VWA3B: variants seen among roughly 807,000 people sequenced by gnomAD.
The protein encoded by VWA3B is von Willebrand factor A domain containing 3B, also known as von Willebrand factor A domain-containing protein 3B.
VWA3B carries 138 observed loss-of-function variants against 158.3 expected under a neutral mutation model. The ratio of observed to expected loss-of-function variants is 0.87; its 90% CI spans 0.76 to 1.00. VWA3B has a LOEUF of 1.00. Ranked by LOEUF, VWA3B falls within the 50% of genes least tolerant of loss-of-function variation. VWA3B has a pLI of 0.00. For synonymous variants in VWA3B, 596 were observed against 587.3 expected (o/e 1.01, Z -0.21); for missense variants, 1,555 against 1,565.1 (o/e 0.99, Z 0.11).
chr2:98,305,631 G>A lies in VWA3B; in HGVS notation c.3521+1829G>A, dbSNP rs538684939. On this transcript the variant is annotated intron_variant, in intron 26 of 27. Transcript: ENST00000477737. ...CTCCCCACAAACCTGCTCCCATCTC[G>A]GGCTTCCCCATCTCAGTTCACCCTT... Among the ~76,000 whole-genome samples the A allele has an allele frequency of 3.0e-4, 46 of 152,154 alleles. 1 individual carries two copies. In the South Asian group the frequency reaches 4.4e-3, roughly 14 times the overall value.
chr2:98,191,726 G>A (rs546626794), intron 10 of VWA3B, among the ~76,000 whole-genome samples: 12 of 152,298 alleles, frequency 7.9e-5, no homozygotes, highest in Non-Finnish European at 1.6e-4. Flanking sequence ...CTTGGCTTCA[G>A]TAGTTTCTTC....
At chr2:98,109,577 A>T (rs958472408) in intron 2 of VWA3B, among the ~76,000 whole-genome samples, 8 of 152,080 alleles carry the variant, frequency 5.3e-5, no homozygotes, top group South Asian at 4.1e-4. Context: ...TGTCTATTTT[A>T]TTTGCCTATA....
rs1204106784 is a variant in VWA3B, at chr2:98,125,855, G to A, written c.703-2384G>A. Among the ~76,000 whole-genome samples the A allele has an allele frequency of 2.0e-5, 3 of 152,026 alleles. No homozygotes were observed. The highest frequency in any genetic ancestry group is 4.8e-5 in the African/African-American group (2 of 41,356). On this transcript the variant is annotated intron_variant, in intron 5 of 27. Transcript: ENST00000477737. The surrounding 1 kb of genome is among the most constrained non-coding windows in gnomAD (Gnocchi z 4.1). ...ATTTTTCTGTATTTTTAGTAGAGACGGGGTTTCACTGTGTTAGCCAGGATG... is the reference window on the plus strand; with the variant it reads ...ATTTTTCTGTATTTTTAGTAGAGACAGGGTTTCACTGTGTTAGCCAGGATG...
intron 26 of VWA3B, among the ~76,000 whole-genome samples, chr2:98,308,937 C>T (rs961903250): frequency 7.9e-5 from 12 of 152,140 alleles, no homozygotes; most frequent in Middle Eastern, 3.4e-3. Flanking sequence ...TTTGGGAGGC[C>T]GAGATGGGCA....
intron 23 of VWA3B, 58 bp downstream of exon 23, chr2:98,290,680 C>A: frequency 8.4e-7 from 1 of 1,191,286 alleles, no homozygotes; most frequent in Non-Finnish European, 1.2e-6. Flanking sequence ...ATACTAGGGA[C>A]AAGAAGTTTC....
Position 98,311,789 on chromosome 2 carries a change from A to G in VWA3B, c.3522-30A>G. The stretch of plus-strand genomic sequence containing the variant: ...CTGTAGACCCCGCAGCCATCAAGGC[A>G]GGGTAACCCTGATCTCTCTCTGTCT... On this transcript the variant is annotated intron_variant, in intron 26 of 27. Coordinates refer to ENST00000477737, the MANE Select transcript of VWA3B (RefSeq NM_144992.5). 3.2e-6 allele frequency: 5 copies of G among 1,540,008 alleles called. No individual in the cohort carries two copies. The South Asian group carries it at 6.3e-5, about 20-fold the overall frequency.
chr2:98,272,300 A>G (rs1688249335), intron 22 of VWA3B, among the ~76,000 whole-genome samples: 2 of 152,262 alleles, frequency 1.3e-5, no homozygotes, highest in Admixed American at 1.3e-4. Flanking sequence ...ACCAACGTTT[A>G]GCAGTTTATT....
chr2:98,181,669 T>A (rs1466560129), intron 9 of VWA3B, among the ~76,000 whole-genome samples: 1 of 152,134 alleles, frequency 6.6e-6, no homozygotes, highest in Non-Finnish European at 1.5e-5. Flanking sequence ...AGGAGTCAGA[T>A]CCTCCAAAGG....
intron 22 of VWA3B, among the ~76,000 whole-genome samples, chr2:98,279,395 C>G (rs1688737399): frequency 6.6e-6 from 1 of 152,174 alleles, no homozygotes; most frequent in Non-Finnish European, 1.5e-5. Context: ...GATGCCAGCA[C>G]TCTCCTGCCT....
At chr2:98,119,393 T>C (rs1674779346) in intron 3 of VWA3B, 120 bp from the exon 4 acceptor site, 1 of 1,106,724 alleles carries the variant, frequency 9.0e-7, no homozygotes, top group South Asian at 1.6e-5. Context: ...CTGGATTCTG[T>C]AGTGTTTGGA....
intron 21 of VWA3B, among the ~76,000 whole-genome samples, chr2:98,263,600 T>C (rs1441666499): frequency 6.6e-6 from 1 of 152,130 alleles, no homozygotes; most frequent in East Asian, 1.9e-4. Flanking sequence ...ATTTTTTTCA[T>C]GGTGATTATC....
At chr2:98,276,571 G>A (rs1402523343) in intron 22 of VWA3B, among the ~76,000 whole-genome samples, 1 of 152,170 alleles carries the variant, frequency 6.6e-6, no homozygotes, top group East Asian at 1.9e-4. Context: ...CATTCAGAGT[G>A]GGCTGCCCAT....
intron 6 of VWA3B, among the ~76,000 whole-genome samples, chr2:98,130,201 T>A (rs1246500686): frequency 6.6e-6 from 1 of 152,154 alleles, no homozygotes; most frequent in African/African-American, 2.4e-5. Context: ...TACATAAACA[T>A]CTCAATGCCT....
At chr2:98,220,057 G>A (rs1338885538) in intron 14 of VWA3B, among the ~76,000 whole-genome samples, 1 of 151,046 alleles carries the variant, frequency 6.6e-6, no homozygotes, top group East Asian at 1.9e-4. Context: ...TAGCTACTTT[G>A]GGGGGCTAAA....
chr2:98,308,970 G>A (rs978473131), intron 26 of VWA3B, among the ~76,000 whole-genome samples: 8 of 151,980 alleles, frequency 5.3e-5, no homozygotes, highest in Admixed American at 3.3e-4. Flanking sequence ...TCAGGAGTTC[G>A]AGACCAGCCT....
Position 98,312,032 on chromosome 2 carries a change from G to A in VWA3B, c.3735G>A (p.Arg1245=). ...GSCQGTHPEP[R]TAHLHFPAAG... ...GCCAGGGGACACACCCCGAGCCCAG[G>A]GTTTGGGTGATGGGGGGGGAACACA... The change falls in exon 27 of 28, where the codon AGG becomes AGA. Residue 1245 remains arginine, a splice_region_variant and synonymous_variant. Transcript: ENST00000477737. The A allele has an allele frequency of 6.3e-7, 1 of 1,593,788 alleles. No homozygotes were observed. Among genetic ancestry groups the A allele is most frequent in the Non-Finnish European group, 8.5e-7 (1 of 1,169,702 alleles).
chr2:98,252,640 A>G (rs1438736744), intron 20 of VWA3B, among the ~76,000 whole-genome samples: 2 of 152,116 alleles, frequency 1.3e-5, no homozygotes, highest in Non-Finnish European at 2.9e-5. Context: ...GATGTTCATT[A>G]CTTCCCCCTT....
intron 7 of VWA3B, among the ~76,000 whole-genome samples, chr2:98,155,254 A>G (rs1677965066): frequency 6.6e-6 from 1 of 152,212 alleles, no homozygotes; most frequent in Non-Finnish European, 1.5e-5. Context: ...CACCACCTGC[A>G]TCAGAATTAC....
chr2:98,217,414 T>C (rs1158842789), intron 13 of VWA3B, among the ~76,000 whole-genome samples: 2 of 152,190 alleles, frequency 1.3e-5, no homozygotes, highest in Non-Finnish European at 2.9e-5. Context: ...CTAAGATGAA[T>C]GCCCAGCACA....
Sources: allele counts gnomAD v4.1 joint callset (sites outside exome capture counted in the v4.1 genomes callset), GRCh38; gene constraint gnomAD v4.1.1; non-coding constraint Gnocchi (gnomAD v3.1); transcripts MANE v1.5; gene names NCBI Gene and HGNC (gene_info 2026-07-23, HGNC 2026-07-21).